The following ADAMTSL1 variants were observed in gnomAD, a reference collection of about 807,000 sequenced individuals.
ADAMTSL1 encodes ADAMTS-like protein 1.
ADAMTSL1 carries 126 observed loss-of-function variants against 201.8 expected under a neutral mutation model. The observed-to-expected ratio is 0.62, with a 90% confidence interval of 0.54 to 0.72. The LOEUF is 0.72. Ranked by LOEUF, ADAMTSL1 falls within the 30% of genes least tolerant of loss-of-function variation. The pLI, the probability that ADAMTSL1 is intolerant of heterozygous loss-of-function variation, is 0.00. For synonymous variants in ADAMTSL1, 1,121 were observed against 903.4 expected (o/e 1.24, Z -4.32); for missense variants, 2,679 against 2,277.8 (o/e 1.18, Z -3.59).
chr9:18,496,492 T>C (rs1175490407), intron 1 of ADAMTSL1, among the ~76,000 whole-genome samples: 2 of 152,218 alleles, frequency 1.3e-5, no homozygotes, highest in Non-Finnish European at 2.9e-5. Context: ...CCACATTTTT[T>C]TCTTGGCTCA....
In ADAMTSL1 at chr9:18,588,884, C is replaced by CATATATATATATATATACATAT. The variant is rs1395379356; in HGVS notation, c.474+14635_474+14636insCATATATATATATATATATATA. Among the ~76,000 whole-genome samples, 176 of 122,828 alleles carry CATATATATATATATATACATAT rather than the reference C, an allele frequency of 1.4e-3. 1 individual carries two copies. Among genetic ancestry groups the CATATATATATATATATACATAT allele is most frequent in the Non-Finnish European group, 2.7e-3 (151 of 56,690 alleles). 80.6% of individuals were successfully genotyped at this position (122,828 alleles called of 152,430 possible). On this transcript the variant is annotated intron_variant, in intron 4 of 28. Transcript: ENST00000380548. Reference sequence around the variant, plus strand: ...GCTTTGTGCCATATATATACATATACATATATATATATATATATACATATA... The same window carrying CATATATATATATATATACATAT: ...GCTTTGTGCCATATATATACATATACATATATATATATATATACATATATATATATATATATATATACATATA...
intron 26 of ADAMTSL1, among the ~76,000 whole-genome samples, chr9:18,904,633 CAAAAAAAAAAAAAAAA>C (rs71333072): frequency 5.3e-4 from 8 of 15,006 alleles, no homozygotes; most frequent in East Asian, 5.8e-3. Context: ...GACCCTGCCT[CAAAAAAAAAAAAAAAA>C]AAAAAAAAAA....
At chr9:18,570,209 C>G (rs1195016761) in intron 3 of ADAMTSL1, among the ~76,000 whole-genome samples, 2 of 151,068 alleles carry the variant, frequency 1.3e-5, no homozygotes, top group African/African-American at 4.9e-5. Context: ...GGGCGAGACC[C>G]CATTCGCCAC....
At chr9:18,187,210 T>C (rs1443708984) in intron 2 of ADAMTSL1, among the ~76,000 whole-genome samples, 3 of 152,160 alleles carry the variant, frequency 2.0e-5, no homozygotes, top group Admixed American at 2.0e-4. Context: ...GAAGCCCTTG[T>C]CATTATCTTC....
At chr9:18,874,658 T>C (rs1425504592) in intron 23 of ADAMTSL1, among the ~76,000 whole-genome samples, 1 of 152,224 alleles carries the variant, frequency 6.6e-6, no homozygotes, top group African/African-American at 2.4e-5. Flanking sequence ...CTTTTTAATA[T>C]GCTGTTGGAT....
At chr9:18,838,349 C>T (rs1208256730) in intron 23 of ADAMTSL1, among the ~76,000 whole-genome samples, 1 of 128,222 alleles carries the variant, frequency 7.8e-6, no homozygotes, top group Admixed American at 8.2e-5. Flanking sequence ...GGGGACACAG[C>T]CAAACCATAT....
chr9:18,543,673 CTG>C (rs914279364), intron 3 of ADAMTSL1, among the ~76,000 whole-genome samples: 3 of 152,180 alleles, frequency 2.0e-5, no homozygotes, highest in African/African-American at 7.2e-5. Flanking sequence ...TTATGACTAA[CTG>C]TTTTATCATT....
intron 20 of ADAMTSL1, among the ~76,000 whole-genome samples, chr9:18,809,979 G>A (rs752720341): frequency 2.0e-5 from 3 of 152,148 alleles, no homozygotes; most frequent in South Asian, 2.1e-4. Flanking sequence ...TAGTAGTCCA[G>A]CCAGAGATTA....
intron 1 of ADAMTSL1, among the ~76,000 whole-genome samples, chr9:17,972,244 T>A (rs1302573483): frequency 7.1e-6 from 1 of 140,116 alleles, no homozygotes; most frequent in African/African-American, 2.6e-5. Flanking sequence ...ACATGTGCCA[T>A]GTTGGTGTGC....
intron 1 of ADAMTSL1, among the ~76,000 whole-genome samples, chr9:18,016,878 G>A (rs1262361838): frequency 6.6e-6 from 1 of 151,962 alleles, no homozygotes; most frequent in Non-Finnish European, 1.5e-5. Context: ...AGCAAAATTT[G>A]TGACTCAAAT....
chr9:18,865,192 C>G (rs1023198729), intron 23 of ADAMTSL1, among the ~76,000 whole-genome samples: 2 of 151,712 alleles, frequency 1.3e-5, no homozygotes, highest in African/African-American at 2.4e-5. Flanking sequence ...CCTCCCCGCT[C>G]CCCCCACCCC....
chr9:18,021,023 C>A (rs540606539), intron 1 of ADAMTSL1, among the ~76,000 whole-genome samples: 1 of 152,046 alleles, frequency 6.6e-6, no homozygotes, highest in Non-Finnish European at 1.5e-5. Flanking sequence ...GTGGTACTGT[C>A]GACATCACCT....
At chr9:18,024,740 T>C (rs1820623920) in intron 1 of ADAMTSL1, among the ~76,000 whole-genome samples, 1 of 152,088 alleles carries the variant, frequency 6.6e-6, no homozygotes, top group Non-Finnish European at 1.5e-5. Flanking sequence ...AGTACGTGTG[T>C]CTTTTTTGGT....
chr9:18,269,654 T>A (rs562169541), intron 2 of ADAMTSL1, among the ~76,000 whole-genome samples: 1 of 152,286 alleles, frequency 6.6e-6, no homozygotes, highest in Non-Finnish European at 1.5e-5. Flanking sequence ...ATTTTATAAC[T>A]GATCTACTTG....
intron 2 of ADAMTSL1, among the ~76,000 whole-genome samples, chr9:18,175,227 G>T (rs556029742): frequency 6.6e-6 from 1 of 152,170 alleles, no homozygotes; most frequent in Admixed American, 6.5e-5. Context: ...ACATGTTCTG[G>T]ATGATCTTGA....
At chr9:18,035,697 T>C (rs910597507) in intron 1 of ADAMTSL1, among the ~76,000 whole-genome samples, 4 of 152,110 alleles carry the variant, frequency 2.6e-5, no homozygotes, top group African/African-American at 9.7e-5. Flanking sequence ...TTCTTCATGG[T>C]TTACTTGTTT....
intron 2 of ADAMTSL1, among the ~76,000 whole-genome samples, chr9:18,174,254 C>G (rs953140647): frequency 1.3e-5 from 2 of 152,164 alleles, no homozygotes; most frequent in Admixed American, 1.3e-4. Flanking sequence ...AATGCTGAAG[C>G]TATCAACCCG....
chr9:17,937,621 CTAAAAT>C (rs1827066755), intron 1 of ADAMTSL1, among the ~76,000 whole-genome samples: 1 of 151,710 alleles, frequency 6.6e-6, no homozygotes, highest in Non-Finnish European at 1.5e-5. Flanking sequence ...ATTTAAATTC[CTAAAAT>C]CTTGTTGATT....
At chr9:18,481,699 A>G (rs2131810114) in intron 1 of ADAMTSL1, among the ~76,000 whole-genome samples, 1 of 152,162 alleles carries the variant, frequency 6.6e-6, no homozygotes, top group South Asian at 2.1e-4. Context: ...TGAATGTGTT[A>G]TTTTCAAATT....
Sources: allele counts gnomAD v4.1 joint callset (sites outside exome capture counted in the v4.1 genomes callset), GRCh38; gene constraint gnomAD v4.1.1; transcripts MANE v1.5; gene names NCBI Gene and HGNC (gene_info 2026-07-23, HGNC 2026-07-21).